PUM2: variants seen among roughly 807,000 people sequenced by gnomAD.
The protein encoded by PUM2 is pumilio RNA binding family member 2.
PUM2 carries 57 observed loss-of-function variants against 124.5 expected under a neutral mutation model. The observed-to-expected ratio is 0.46, with a 90% CI of 0.37 to 0.57. The LOEUF is 0.57. Ranked by LOEUF, PUM2 falls within the 20% of genes least tolerant of loss-of-function variation. PUM2 has a pLI of 0.00. For synonymous variants in PUM2, 460 were observed against 446.1 expected (o/e 1.03, Z -0.39); for missense variants, 1,065 against 1,290.6 (o/e 0.83, Z 2.68).
chr2:20,329,435 C>CAA (rs112041256), intron 1 of PUM2, among the ~76,000 whole-genome samples: 69 of 63,348 alleles, frequency 1.1e-3, no homozygotes, highest in South Asian at 3.7e-3. Flanking sequence ...CCCCTCATCT[C>CAA]AAAAAAAAAA....
At chr2:20,322,606 C>G (rs1682637126) in intron 2 of PUM2, among the ~76,000 whole-genome samples, 2 of 151,914 alleles carry the variant, frequency 1.3e-5, no homozygotes, top group Admixed American at 1.3e-4. Context: ...AGTTGAAGAC[C>G]AGCCTGGGCA....
intron 13 of PUM2, among the ~76,000 whole-genome samples, chr2:20,271,316 T>C (rs1187976907): frequency 6.6e-6 from 1 of 152,178 alleles, no homozygotes; most frequent in Admixed American, 6.5e-5. Flanking sequence ...AACAAGATTC[T>C]TTTCTGTTTT....
At chr2:20,319,170 T>C (rs1376965372) in intron 2 of PUM2, among the ~76,000 whole-genome samples, 1 of 152,188 alleles carries the variant, frequency 6.6e-6, no homozygotes, top group Non-Finnish European at 1.5e-5. Context: ...AAAACATGCA[T>C]AGAAAAGAAA....
chr2:20,260,727 A>G (rs1665979556), intron 14 of PUM2, among the ~76,000 whole-genome samples: 1 of 152,202 alleles, frequency 6.6e-6, no homozygotes, highest in African/African-American at 2.4e-5. Flanking sequence ...AATCAATAAG[A>G]AAATTACGTA....
chr2:20,250,076 C>T lies in PUM2; in HGVS notation c.*1509G>A, dbSNP rs1354351792. 1 of 152,582 alleles carries T rather than the reference C, an allele frequency of 6.6e-6. No homozygotes were observed. Among genetic ancestry groups the T allele is most frequent in the Non-Finnish European group, 1.5e-5 (1 of 68,028 alleles). 9.5% of individuals were successfully genotyped at this position (152,582 alleles called of 1,614,324 possible). On this transcript the variant is annotated 3_prime_UTR_variant, in exon 21 of 21. Coordinates refer to ENST00000361078, the MANE Select transcript of PUM2 (RefSeq NM_015317.5). Reference sequence around the variant, plus strand: ...CTCTTCTGTACAAAGAAAAAAGTCACATCACATTTAATAAGATGAAAAAAG... The same window carrying T: ...CTCTTCTGTACAAAGAAAAAAGTCATATCACATTTAATAAGATGAAAAAAG...
At chr2:20,330,615 CT>C (rs762138833) in intron 1 of PUM2, among the ~76,000 whole-genome samples, 2 of 152,222 alleles carry the variant, frequency 1.3e-5, no homozygotes, top group Non-Finnish European at 2.9e-5. Flanking sequence ...CCTAATGCAT[CT>C]CTTCCATCTG....
intron 1 of PUM2, among the ~76,000 whole-genome samples, chr2:20,346,187 C>T (rs1354060094): frequency 2.6e-5 from 4 of 152,154 alleles, no homozygotes; most frequent in Admixed American, 2.0e-4. Context: ...CTCTCAACTT[C>T]AAAACATAAT....
intron 19 of PUM2, 125 bp downstream of exon 19, chr2:20,254,738 T>G: frequency 9.2e-7 from 1 of 1,089,044 alleles, no homozygotes; most frequent in Non-Finnish European, 1.3e-6. Context: ...TATAGGTGCA[T>G]TTTAATGATA....
chr2:20,261,113 G>A (rs143040887), intron 14 of PUM2, among the ~76,000 whole-genome samples: 58 of 152,182 alleles, frequency 3.8e-4, no homozygotes, highest in Non-Finnish European at 6.0e-4. Flanking sequence ...TAGTATGGCC[G>A]GGTGCAGTGG....
chr2:20,255,706 A>T (rs73919424), intron 17 of PUM2, among the ~76,000 whole-genome samples: 1,969 of 152,278 alleles, frequency 0.013, 43 homozygotes, highest in African/African-American at 0.045. Flanking sequence ...CTGTCTTATT[A>T]TACAGTCTTA....
chr2:20,307,882 A>T, intron 7 of PUM2, 96 bp downstream of exon 7: 2 of 1,467,312 alleles, frequency 1.4e-6, no homozygotes, highest in Non-Finnish European at 1.8e-6. Context: ...GATGTTTCAA[A>T]AAGTAACAAA....
rs1168082711 is a variant in PUM2 at position 20,297,535 on chromosome 2, G to T, written c.1009+18C>A. 1.3e-6 allele frequency: 2 copies of T among 1,557,154 alleles called. No individual in the cohort carries two copies. Among genetic ancestry groups the T allele is most frequent in the Non-Finnish European group, 1.7e-6 (2 of 1,148,772 alleles). ...ATTAAAAAGCAACCATAATAAAGAT[G>T]AACAAATAGTATGTTACCTGCTAAT... On this transcript the variant is annotated intron_variant, in intron 8 of 20. Coordinates refer to ENST00000361078, the MANE Select transcript of PUM2 (RefSeq NM_015317.5).
chr2:20,312,199 A>G, intron 4 of PUM2, 37 bp downstream of exon 4: 1 of 1,511,690 alleles, frequency 6.6e-7, no homozygotes, highest in South Asian at 1.2e-5. Flanking sequence ...ATAACTCTCA[A>G]GCAAATATTA....
At chr2:20,266,460 C>G (rs1572604082) in intron 13 of PUM2, among the ~76,000 whole-genome samples, 1 of 130,950 alleles carries the variant, frequency 7.6e-6, no homozygotes, top group South Asian at 2.5e-4. Context: ...CGAAACAAAA[C>G]AAAACAACAA....
intron 2 of PUM2, among the ~76,000 whole-genome samples, chr2:20,321,901 T>C (rs1682471157): frequency 6.6e-6 from 1 of 152,128 alleles, no homozygotes; most frequent in South Asian, 2.1e-4. Context: ...TGAGGGAATA[T>C]ACAGTGTCTT....
chr2:20,261,909 C>G (rs62123440), intron 14 of PUM2, among the ~76,000 whole-genome samples: 3 of 151,594 alleles, frequency 2.0e-5, no homozygotes, highest in East Asian at 3.9e-4. Context: ...CCTGGCAACA[C>G]AGTGAGACCC....
intron 13 of PUM2, among the ~76,000 whole-genome samples, chr2:20,272,760 T>C (rs1383642403): frequency 6.6e-6 from 1 of 152,212 alleles, no homozygotes; most frequent in Non-Finnish European, 1.5e-5. Context: ...GGTATCTTTA[T>C]AATAGGGAGT....
intron 16 of PUM2, among the ~76,000 whole-genome samples, chr2:20,256,904 C>T (rs908341953): frequency 2.0e-5 from 3 of 151,690 alleles, no homozygotes; most frequent in South Asian, 2.1e-4. Flanking sequence ...ACTAGCCAGA[C>T]GTGGTGGCGC....
At chr2:20,293,929 T>C (rs1379551024) in intron 9 of PUM2, among the ~76,000 whole-genome samples, 1 of 152,104 alleles carries the variant, frequency 6.6e-6, no homozygotes, top group East Asian at 1.9e-4. Flanking sequence ...TTTCCAGAAA[T>C]TAAAGCTAAC....
Sources: gnomAD v4.1 joint callset for allele counts (sites outside exome capture counted in the v4.1 genomes callset) on GRCh38, gnomAD v4.1.1 for gene constraint, MANE v1.5 for transcripts, NCBI Gene and HGNC (gene_info 2026-07-23, HGNC 2026-07-21) for gene names.